KLHL18: variants seen among roughly 807,000 people sequenced by gnomAD.
KLHL18 encodes the protein kelch like family member 18, also known as kelch-like protein 18.
In KLHL18, 38 loss-of-function variants were observed where a neutral mutation model predicts 58.5. The ratio of observed to expected loss-of-function variants is 0.65; its 90% CI spans 0.50 to 0.85. The LOEUF (loss-of-function observed/expected upper bound fraction) is 0.85, where lower values mean the gene tolerates loss of function less well. KLHL18 is among the 40% of genes least tolerant of loss of function. The probability of loss-of-function intolerance (pLI) is 0.00; values close to 1 mark genes in which losing one functional copy is unlikely to be tolerated. For synonymous variants in KLHL18, 303 were observed against 301.9 expected (o/e 1.00, Z -0.04); for missense variants, 624 against 778.4 (o/e 0.80, Z 2.36).
intron 1 of KLHL18, among the ~76,000 whole-genome samples, chr3:47,290,906 AT>A (rs1702778421): frequency 1.3e-5 from 2 of 152,360 alleles, no homozygotes; most frequent in Admixed American, 1.3e-4. Flanking sequence ...ATGCTGTTAA[AT>A]TTGGACACCA....
intron 2 of KLHL18, among the ~76,000 whole-genome samples, chr3:47,322,267 A>T (rs1703606631): frequency 6.6e-6 from 1 of 152,258 alleles, no homozygotes; most frequent in African/African-American, 2.4e-5. Context: ...TTTTATGATT[A>T]TATCCATATA....
chr3:47,312,503 C>T (rs1358846912), intron 1 of KLHL18, among the ~76,000 whole-genome samples: 1 of 152,070 alleles, frequency 6.6e-6, no homozygotes, highest in African/African-American at 2.4e-5. Flanking sequence ...AATTGTGTGG[C>T]ACCAGTTCAC....
intron 1 of KLHL18, chr3:47,297,722 T>C: frequency 2.3e-6 from 1 of 440,684 alleles, no homozygotes; most frequent in East Asian, 7.0e-5. Context: ...AGATGAAGCC[T>C]ATTTTTAGAT....
chr3:47,333,801 C>T (rs1703923149), intron 5 of KLHL18, among the ~76,000 whole-genome samples: 1 of 152,328 alleles, frequency 6.6e-6, no homozygotes, highest in South Asian at 2.1e-4. Context: ...TTTACCAACA[C>T]ATGAAACTTT....
chr3:47,309,578 C>T (rs1458310870), intron 1 of KLHL18, among the ~76,000 whole-genome samples: 1 of 152,102 alleles, frequency 6.6e-6, no homozygotes, highest in African/African-American at 2.4e-5. Context: ...CAGAGACGCT[C>T]CTCACTTCCC....
chr3:47,318,460 G>A lies in KLHL18; in HGVS notation c.130-1193G>A, dbSNP rs1337498044. On this transcript the variant is annotated intron_variant, in intron 1 of 9. Transcript: ENST00000232766. ...CTAGCTTTGAATGTGACATACCATC[G>A]TCACTTCTGCTATATTCTGTTGGTC... 2.6e-5 allele frequency among the ~76,000 whole-genome samples: 4 copies of A among 152,160 alleles called. 1 individual carries two copies. In the South Asian group the frequency reaches 8.3e-4, roughly 32 times the overall value.
intron 1 of KLHL18, among the ~76,000 whole-genome samples, chr3:47,309,835 C>CA (rs895262350): frequency 1.3e-5 from 2 of 152,262 alleles, no homozygotes; most frequent in Admixed American, 6.5e-5. Context: ...CCGTCTCCAC[C>CA]AAAAAAATAA....
intron 1 of KLHL18, among the ~76,000 whole-genome samples, chr3:47,283,848 G>A (rs1211541428): frequency 2.6e-5 from 4 of 152,344 alleles, no homozygotes; most frequent in South Asian, 2.1e-4. Flanking sequence ...CCAAGCCACC[G>A]AACCATGTGG....
intron 1 of KLHL18, among the ~76,000 whole-genome samples, chr3:47,309,911 G>A (rs1161376215): frequency 6.6e-6 from 1 of 151,870 alleles, no homozygotes; most frequent in East Asian, 1.9e-4. Flanking sequence ...GAATCAGGCA[G>A]GGAGGTTGCA....
At position 47,343,743 on chromosome 3, in the gene KLHL18, C is replaced by G. The variant is rs1350869767; in HGVS notation, c.1527C>G (p.Pro509=). ...CAGACCAGTGGTGCCTGATTGTCCC[C>G]ATGCACACGCGCAGGAGCCGGGTCT... ...SVADQWCLIV[P]MHTRRSRVSL... The change falls in exon 10 of 10, where the codon CCC becomes CCG. Residue 509 remains proline (P), a synonymous_variant. Transcript: ENST00000232766. 1 of 1,614,104 alleles carries G rather than the reference C, an allele frequency of 6.2e-7. No individual in the cohort carries two copies. Among genetic ancestry groups the G allele is most frequent in the Admixed American group, 1.7e-5 (1 of 60,008 alleles).
Position 47,340,633 on chromosome 3 carries a change from T to C in KLHL18, c.1183T>C (p.Ser395Pro). 6.2e-7 allele frequency: 1 copy of C among 1,614,052 alleles called. No individual in the cohort carries two copies. Among genetic ancestry groups the C allele is most frequent in the Non-Finnish European group, 8.5e-7 (1 of 1,179,998 alleles). ...IYVCGGYDGN[S>P]SLSSVETYSP... is the part of the protein sequence containing the mutation. ...CGTCTGTGGGGGCTACGATGGCAACTCTTCCCTCAGCTCCGTGGAGACCTA... is the reference window on the plus strand; with the variant it reads ...CGTCTGTGGGGGCTACGATGGCAACCCTTCCCTCAGCTCCGTGGAGACCTA... Residue 395 changes from serine to proline, a missense_variant, in exon 8 of 10, where the codon TCT becomes CCT. Physicochemically the swap from Ser to Pro is moderately conservative, Grantham distance 74 (BLOSUM62 -1). Transcript: ENST00000232766.
chr3:47,291,170 C>G (rs981462761), intron 1 of KLHL18, among the ~76,000 whole-genome samples: 1 of 152,226 alleles, frequency 6.6e-6, no homozygotes, highest in South Asian at 2.1e-4. Context: ...CTTAGCCCCA[C>G]TTGGTTTAGC....
At chr3:47,306,451 G>A (rs796191506) in intron 1 of KLHL18, among the ~76,000 whole-genome samples, 1 of 152,122 alleles carries the variant, frequency 6.6e-6, no homozygotes. Context: ...ATTGTGTTGT[G>A]TGTAGCTTTT....
At chr3:47,288,846 G>A (rs1024319265) in intron 1 of KLHL18, among the ~76,000 whole-genome samples, 13 of 152,162 alleles carry the variant, frequency 8.5e-5, no homozygotes, top group Non-Finnish European at 1.3e-4. Context: ...CTTGGCCTAG[G>A]TAGAGAGATT....
chr3:47,342,610 G>A, intron 8 of KLHL18, 109 bp from the exon 9 acceptor site: 5 of 809,062 alleles, frequency 6.2e-6, no homozygotes, highest in Non-Finnish European at 8.1e-6. Flanking sequence ...GAGGTGATAA[G>A]AGATGGAGAG....
At chr3:47,311,593 G>A (rs1020458381) in intron 1 of KLHL18, among the ~76,000 whole-genome samples, 5 of 152,248 alleles carry the variant, frequency 3.3e-5, no homozygotes, top group African/African-American at 7.2e-5. Flanking sequence ...TCAGGAGACT[G>A]AGGCAGGAGA....
At position 47,334,713 on chromosome 3, in the gene KLHL18, C is replaced by T. The variant is rs898980251; in HGVS notation, c.792C>T (p.His264=). The T allele has an allele frequency of 8.1e-6, 13 of 1,614,054 alleles. No homozygotes were observed. The highest frequency in any genetic ancestry group is 1.1e-5 in the Non-Finnish European group (13 of 1,180,034). ...TGGTAGACGAAGCAAAGGACTACCA[C>T]CTCATGCCAGAGCGCCGGCCCCACC... ...RDLVDEAKDY[H]LMPERRPHLP... The change falls in exon 6 of 10, where the codon CAC becomes CAT. Residue 264 remains histidine (H), a synonymous_variant. Coordinates refer to ENST00000232766, the MANE Select transcript of KLHL18 (RefSeq NM_025010.5). The surrounding 1 kb of genome is among the most constrained non-coding windows in gnomAD (Gnocchi z 4.7).
chr3:47,290,654 G>C (rs1273936328), intron 1 of KLHL18, among the ~76,000 whole-genome samples: 4 of 152,062 alleles, frequency 2.6e-5, no homozygotes, highest in African/African-American at 9.7e-5. Context: ...GAGAGATGGG[G>C]CCTCACCTTG....
At chr3:47,284,807 C>A (rs1036884751) in intron 1 of KLHL18, among the ~76,000 whole-genome samples, 1 of 151,854 alleles carries the variant, frequency 6.6e-6, no homozygotes, top group Non-Finnish European at 1.5e-5. Context: ...CTGTAAGCCT[C>A]GGTTTTTTTG....
Sources: gnomAD v4.1 joint callset for allele counts (sites outside exome capture counted in the v4.1 genomes callset) on GRCh38, gnomAD v4.1.1 for gene constraint, Gnocchi (gnomAD v3.1) non-coding constraint, MANE v1.5 for transcripts, NCBI Gene and HGNC (gene_info 2026-07-23, HGNC 2026-07-21) for gene names.